Variants in PHKA1 observed in about 807,000 individuals in gnomAD.
PHKA1 encodes phosphorylase b kinase regulatory subunit alpha, skeletal muscle isoform.
PHKA1 carries 60 observed loss-of-function variants against 110.2 expected under a neutral mutation model. The observed-to-expected ratio is 0.54, with a 90% CI of 0.44 to 0.68. PHKA1 has a LOEUF of 0.68. Ranked by LOEUF, PHKA1 falls within the 30% of genes least tolerant of loss-of-function variation. The pLI, the probability that PHKA1 is intolerant of heterozygous loss-of-function variation, is 0.00. For synonymous variants in PHKA1, 316 were observed against 333.6 expected, an observed-to-expected ratio of 0.95 and a Z score of 0.58; for missense variants, 801 against 942.5, an observed-to-expected ratio of 0.85 and a Z score of 1.97.
intron 2 of PHKA1, chrX:72,709,364 T>C (rs1297203234): frequency 9.3e-6 from 1 of 107,725 alleles, no homozygotes; most frequent in Non-Finnish European, 1.9e-5. Context: ...AAAACATACA[T>C]GTGCATAATT....
At chrX:72,695,560 C>A in intron 4 of PHKA1, 148 bp downstream of exon 4, 1 of 563,863 alleles carries the variant, frequency 1.8e-6, no homozygotes, top group Non-Finnish European at 2.9e-6. Context: ...TTTGCCATCT[C>A]ATGATATCTG....
chrX:72,587,826 A>G (rs1394196945), intron 29 of PHKA1, among the ~76,000 whole-genome samples: 1 of 111,799 alleles, frequency 8.9e-6, no homozygotes, highest in Non-Finnish European at 1.9e-5. Flanking sequence ...AAAGATCAAA[A>G]AAGACAAAGA....
intron 5 of PHKA1, 114 bp from the exon 6 acceptor site, chrX:72,676,264 T>G: frequency 2.4e-6 from 1 of 416,105 alleles, no homozygotes. Flanking sequence ...ATTTGCCATA[T>G]ATATATATAT....
intron 22 of PHKA1, among the ~76,000 whole-genome samples, chrX:72,610,684 T>G (rs1015382050): frequency 1.8e-5 from 2 of 111,675 alleles, no homozygotes; most frequent in Non-Finnish European, 3.8e-5. Context: ...TTTAGTTTTT[T>G]GATGAACCTC....
At chrX:72,687,070 A>G (rs1290550626) in intron 4 of PHKA1, among the ~76,000 whole-genome samples, 1 of 111,889 alleles carries the variant, frequency 8.9e-6, no homozygotes, top group Non-Finnish European at 1.9e-5. Flanking sequence ...TATTATGAGT[A>G]AGGTTGTAAA....
intron 8 of PHKA1, among the ~76,000 whole-genome samples, chrX:72,665,862 A>G (rs1412774857): frequency 9.0e-6 from 1 of 111,627 alleles, no homozygotes; most frequent in African/African-American, 3.3e-5. Context: ...ATAAGTTTTC[A>G]TTTCTGTAGG....
In PHKA1 at chrX:72,624,689, A is replaced by C. The variant is rs1393101796; in HGVS notation, c.1794-1414T>G. Among the ~76,000 whole-genome samples, 3 of 111,404 alleles carry C rather than the reference A, an allele frequency of 2.7e-5. No homozygotes were observed. In the Admixed American group the frequency reaches 2.9e-4, roughly 11 times the overall value. Reference sequence around the variant, plus strand: ...TGTGTACCTCACCTGCAGGACCTGTAAGTAATAAAATCTTTATTTCCATCT... The same window carrying C: ...TGTGTACCTCACCTGCAGGACCTGTCAGTAATAAAATCTTTATTTCCATCT... On this transcript the variant is annotated intron_variant, in intron 17 of 31. Transcript: ENST00000373542.
At chrX:72,593,854 T>C (rs1200261220) in intron 28 of PHKA1, among the ~76,000 whole-genome samples, 1 of 112,406 alleles carries the variant, frequency 8.9e-6, no homozygotes, top group Non-Finnish European at 1.9e-5. Flanking sequence ...CATTCTTAGC[T>C]GTCTCTTGAC....
intron 2 of PHKA1, chrX:72,707,871 C>G (rs1411859805): frequency 9.0e-6 from 1 of 110,888 alleles, no homozygotes; most frequent in Non-Finnish European, 1.9e-5. Flanking sequence ...GATGATTACA[C>G]AGTCTTTTAA....
At chrX:72,585,361 T>C (rs1211455527) in intron 29 of PHKA1, among the ~76,000 whole-genome samples, 1 of 112,065 alleles carries the variant, frequency 8.9e-6, no homozygotes, top group Non-Finnish European at 1.9e-5. Context: ...ATGTAGAGTT[T>C]GGATCACTTT....
chrX:72,591,297 C>A (rs782471656), intron 29 of PHKA1, among the ~76,000 whole-genome samples: 20 of 111,249 alleles, frequency 1.8e-4, no homozygotes, highest in African/African-American at 6.5e-4. Context: ...TCATTCTGAG[C>A]AAACTATCAC....
chrX:72,585,511 A>G (rs1422227285), intron 29 of PHKA1, among the ~76,000 whole-genome samples: 1 of 112,051 alleles, frequency 8.9e-6, no homozygotes, highest in Non-Finnish European at 1.9e-5. Flanking sequence ...ATCAATGCAG[A>G]AGACAGGTGA....
chrX:72,583,637 T>C (rs782518401), intron 30 of PHKA1, among the ~76,000 whole-genome samples: 1 of 112,564 alleles, frequency 8.9e-6, no homozygotes, highest in African/African-American at 3.2e-5. Context: ...AGCTCCTTTG[T>C]TGACTCTGTG....
chrX:72,667,722 C>T (rs1040956514), intron 6 of PHKA1, among the ~76,000 whole-genome samples: 1 of 111,913 alleles, frequency 8.9e-6, no homozygotes, highest in African/African-American at 3.2e-5. Context: ...TCATTGTACT[C>T]TCTCCTTCTA....
intron 21 of PHKA1, among the ~76,000 whole-genome samples, chrX:72,617,975 A>G (rs2052922969): frequency 8.9e-6 from 1 of 111,831 alleles, no homozygotes; most frequent in Non-Finnish European, 1.9e-5. Context: ...TCATCCTGTA[A>G]TGATTATAAA....
intron 29 of PHKA1, among the ~76,000 whole-genome samples, chrX:72,590,155 C>T (rs868907569): frequency 1.1e-4 from 12 of 111,741 alleles, no homozygotes; most frequent in African/African-American, 2.9e-4. Context: ...GGAGGCATCA[C>T]GCTACCTGAC....
intron 5 of PHKA1, among the ~76,000 whole-genome samples, chrX:72,680,813 G>A (rs1169805729): frequency 5.9e-5 from 5 of 84,819 alleles, no homozygotes; most frequent in Admixed American, 2.6e-4. Flanking sequence ...AGTCTTTGCC[G>A]CCGCGCCGGC....
intron 5 of PHKA1, among the ~76,000 whole-genome samples, chrX:72,678,251 G>C (rs1410044217): frequency 9.0e-6 from 1 of 111,335 alleles, no homozygotes; most frequent in Non-Finnish European, 1.9e-5. Context: ...TTGTCACTGA[G>C]GTGTCATTGC....
chrX:72,623,832 A>G (rs2053014895), intron 17 of PHKA1, among the ~76,000 whole-genome samples: 1 of 112,068 alleles, frequency 8.9e-6, no homozygotes, highest in Non-Finnish European at 1.9e-5. Flanking sequence ...CACCTTGGAT[A>G]ATTAAAATAT....
Sources: gnomAD v4.1 joint callset for allele counts (sites outside exome capture counted in the v4.1 genomes callset) on GRCh38, gnomAD v4.1.1 for gene constraint, MANE v1.5 for transcripts, NCBI Gene and HGNC (gene_info 2026-07-23, HGNC 2026-07-21) for gene names.